RASEF: variants seen among roughly 807,000 people sequenced by gnomAD.
The protein encoded by RASEF is ras and EF-hand domain-containing protein.
In RASEF, 68 loss-of-function variants were observed where a neutral mutation model predicts 90.1. The observed-to-expected ratio is 0.75, with a 90% confidence interval of 0.62 to 0.92. The LOEUF is 0.92. Among genes scored for constraint, RASEF ranks in the 40% least tolerant of loss-of-function variants. RASEF has a pLI of 0.00. For synonymous variants in RASEF, 331 were observed against 345.2 expected, an observed-to-expected ratio of 0.96 and a Z score of 0.46; for missense variants, 949 against 937.2, an observed-to-expected ratio of 1.01 and a Z score of -0.16.
intron 3 of RASEF, 126 bp from the exon 4 acceptor site, chr9:83,016,026 G>C: frequency 1.5e-6 from 1 of 678,822 alleles, no homozygotes; most frequent in Non-Finnish European, 2.5e-6. Context: ...CAGGGAAGGT[G>C]AGAAAGGATA....
At chr9:83,012,142 C>T (rs544593415) in intron 5 of RASEF, among the ~76,000 whole-genome samples, 2 of 150,916 alleles carry the variant, frequency 1.3e-5, no homozygotes, top group African/African-American at 4.9e-5. Context: ...GCCAGGAATA[C>T]AGACCAGAGC....
chr9:82,998,472 G>A (rs1390516138), intron 12 of RASEF, 26 bp from the exon 13 acceptor site: 5 of 1,417,714 alleles, frequency 3.5e-6, no homozygotes, highest in South Asian at 2.3e-5. Context: ...AGAGTGGAGA[G>A]CACGATGTAA....
the RASEF span, among the ~76,000 whole-genome samples, chr9:83,174,221 T>C: frequency 6.6e-6 from 1 of 152,080 alleles, no homozygotes; most frequent in Non-Finnish European, 1.5e-5. Context: ...ATCTTAGTAA[T>C]CTTTGTTTAG....
the RASEF span, among the ~76,000 whole-genome samples, chr9:83,069,784 A>AT: frequency 1.3e-5 from 2 of 152,352 alleles, no homozygotes; most frequent in South Asian, 4.1e-4. Flanking sequence ...CCTACCTGAA[A>AT]TGTAAGAGAA....
the RASEF span, among the ~76,000 whole-genome samples, chr9:83,191,568 T>C: frequency 6.6e-6 from 1 of 152,112 alleles, no homozygotes; most frequent in Non-Finnish European, 1.5e-5. Flanking sequence ...ACATTTAGAG[T>C]CTATGGAAAA....
At chr9:83,007,093 C>CA (rs11394639) in intron 7 of RASEF, among the ~76,000 whole-genome samples, 80,388 of 126,886 alleles carry the variant, frequency 0.63, 23,935 homozygotes, top group East Asian at 0.76. Context: ...GACTCTGTCT[C>CA]AAAAAAAAAA....
the RASEF span, among the ~76,000 whole-genome samples, chr9:83,193,898 G>C: frequency 6.6e-6 from 1 of 152,162 alleles, no homozygotes; most frequent in Admixed American, 6.6e-5. Context: ...AAGGATCAAG[G>C]AGTCAGCCTA....
At chr9:83,115,311 C>T in the RASEF span, among the ~76,000 whole-genome samples, 1 of 151,944 alleles carries the variant, frequency 6.6e-6, no homozygotes, top group Non-Finnish European at 1.5e-5. Flanking sequence ...TTACAAAAAC[C>T]AATATATCTT....
the RASEF span, among the ~76,000 whole-genome samples, chr9:83,077,760 G>A: frequency 6.6e-6 from 1 of 152,156 alleles, no homozygotes; most frequent in Non-Finnish European, 1.5e-5. Context: ...ACTCATGGGA[G>A]GGAACCATCT....
chr9:83,048,954 T>A, intron 1 of RASEF: 1 of 173,124 alleles, frequency 5.8e-6, no homozygotes, highest in Non-Finnish European at 1.1e-5. Flanking sequence ...CACAGTACTA[T>A]CTGTACTAAA....
At chr9:83,184,697 G>A in the RASEF span, among the ~76,000 whole-genome samples, 63 of 152,228 alleles carry the variant, frequency 4.1e-4, no homozygotes, top group Non-Finnish European at 8.5e-4. Context: ...CACCTTGCTA[G>A]GCATTGCCCT....
intron 1 of RASEF, among the ~76,000 whole-genome samples, chr9:83,042,194 A>C (rs558017454): frequency 6.6e-6 from 1 of 152,326 alleles, no homozygotes; most frequent in East Asian, 1.9e-4. Flanking sequence ...AAGCTACTAA[A>C]GAAAATAGGA....
the RASEF span, among the ~76,000 whole-genome samples, chr9:83,068,629 C>T: frequency 4.6e-5 from 7 of 152,162 alleles, no homozygotes; most frequent in East Asian, 1.9e-4. Flanking sequence ...GAAATCAAAT[C>T]GACATATTGA....
chr9:83,135,163 G>A, the RASEF span, among the ~76,000 whole-genome samples: 1 of 152,036 alleles, frequency 6.6e-6, no homozygotes, highest in Non-Finnish European at 1.5e-5. Context: ...ATTAGATAGT[G>A]GTGATGGTTG....
upstream of RASEF, among the ~76,000 whole-genome samples, chr9:83,064,781 A>C (rs1163296063): frequency 6.6e-6 from 1 of 152,172 alleles, no homozygotes; most frequent in Non-Finnish European, 1.5e-5. Flanking sequence ...AAGAAACACG[A>C]ATTGGCCTGG....
chr9:83,043,074 C>T (rs1829868721), intron 1 of RASEF, among the ~76,000 whole-genome samples: 1 of 152,196 alleles, frequency 6.6e-6, no homozygotes, highest in African/African-American at 2.4e-5. Flanking sequence ...AGTGATTTTG[C>T]AAACAATTTT....
chr9:83,098,015 A>T, the RASEF span, among the ~76,000 whole-genome samples: 1 of 152,176 alleles, frequency 6.6e-6, no homozygotes, highest in Non-Finnish European at 1.5e-5. Context: ...GGAGTTAAAT[A>T]TCTCATTGAG....
At chr9:83,000,033 ACACATT>A in intron 12 of RASEF, 130 bp downstream of exon 12, 8 of 590,216 alleles carry the variant, frequency 1.4e-5, no homozygotes, top group Admixed American at 2.8e-5. Flanking sequence ...ACACACACAC[ACACATT>A]TATATATGTG....
chr9:83,016,650 A>C (rs1057496974), intron 3 of RASEF, among the ~76,000 whole-genome samples: 19 of 152,146 alleles, frequency 1.2e-4, no homozygotes, highest in African/African-American at 4.3e-4. Flanking sequence ...GGGGATAATA[A>C]AACTGATGTT....
Sources: allele counts gnomAD v4.1 joint callset (sites outside exome capture counted in the v4.1 genomes callset), GRCh38; gene constraint gnomAD v4.1.1; transcripts MANE v1.5; gene names NCBI Gene and HGNC (gene_info 2026-07-23, HGNC 2026-07-21).